The following VSNL1 variants were observed in gnomAD, a reference collection of about 807,000 sequenced individuals.
The protein encoded by VSNL1 is visinin like 1.
VSNL1 carries 6 observed loss-of-function variants against 20.4 expected under a neutral mutation model. That is an observed-to-expected ratio of 0.29 (90% CI 0.16 to 0.58). The LOEUF (loss-of-function observed/expected upper bound fraction) is 0.58, where lower values mean the gene tolerates loss of function less well. Among genes scored for constraint, VSNL1 ranks in the 20% least tolerant of loss-of-function variants. The pLI, the probability that VSNL1 is intolerant of heterozygous loss-of-function variation, is 0.90. For synonymous variants in VSNL1, 93 were observed against 86.4 expected (o/e 1.08, Z -0.42); for missense variants, 100 against 234.5 (o/e 0.43, Z 3.75).
At chr2:17,553,253 C>T (rs1424969811) in intron 1 of VSNL1, among the ~76,000 whole-genome samples, 2 of 152,306 alleles carry the variant, frequency 1.3e-5, no homozygotes, top group African/African-American at 4.8e-5. Context: ...TAGCTAATGT[C>T]TAATGGCTCT....
At chr2:17,579,100 C>T (rs754085764) in intron 1 of VSNL1, among the ~76,000 whole-genome samples, 4 of 152,038 alleles carry the variant, frequency 2.6e-5, no homozygotes, top group Non-Finnish European at 5.9e-5. Context: ...AAGCCCCCTT[C>T]TTTCTTTCTT....
chr2:17,565,856 T>G (rs1457615399), intron 1 of VSNL1, among the ~76,000 whole-genome samples: 1 of 152,244 alleles, frequency 6.6e-6, no homozygotes, highest in Non-Finnish European at 1.5e-5. Context: ...CAGCAGTTCC[T>G]GCATGCTGTT....
intron 1 of VSNL1, among the ~76,000 whole-genome samples, chr2:17,563,246 G>A (rs992546548): frequency 6.6e-6 from 1 of 152,252 alleles, no homozygotes; most frequent in East Asian, 1.9e-4. Flanking sequence ...ACCCAGCAGG[G>A]TTATAAAATT....
At chr2:17,607,258 G>A (rs1239839672) in intron 2 of VSNL1, among the ~76,000 whole-genome samples, 2 of 152,186 alleles carry the variant, frequency 1.3e-5, no homozygotes, top group Admixed American at 6.5e-5. Context: ...ACCTGTCTGG[G>A]TTATAGAGTC....
At chr2:17,632,574 C>T (rs560953187) in intron 2 of VSNL1, among the ~76,000 whole-genome samples, 8 of 152,342 alleles carry the variant, frequency 5.3e-5, no homozygotes, top group East Asian at 3.9e-4. Flanking sequence ...GCTGGGATTA[C>T]AGGCATGAGC....
intron 2 of VSNL1, among the ~76,000 whole-genome samples, chr2:17,632,521 G>A (rs775728045): frequency 6.6e-5 from 10 of 151,874 alleles, no homozygotes; most frequent in Admixed American, 2.0e-4. Context: ...GGCTGGTTTC[G>A]AACTTCTGAC....
Position 17,649,335 on chromosome 2 carries a change from C to A in VSNL1, c.163-75C>A. 6.9e-7 allele frequency: 1 copy of A among 1,446,604 alleles called. No homozygotes were observed. Among genetic ancestry groups the A allele is most frequent in the South Asian group, 1.2e-5 (1 of 85,660 alleles). 89.6% of individuals were successfully genotyped at this position (1,446,604 alleles called of 1,614,324 possible). A position where few individuals can be genotyped will look rare whatever the true frequency, so the allele number is the denominator to read the frequency against. Reference sequence around the variant, plus strand: ...CAACGCCCAGGAGCACCTGTGATGCCGTCATTAGGAACCTACCTCGTCGCC... The same window carrying A: ...CAACGCCCAGGAGCACCTGTGATGCAGTCATTAGGAACCTACCTCGTCGCC... On this transcript the variant is annotated intron_variant, in intron 2 of 3. Transcript: ENST00000295156. This position sits in a 1 kb window ranked among gnomAD's most constrained non-coding sequence, Gnocchi z 6.4.
At chr2:17,541,007 T>G (rs532320527) in intron 1 of VSNL1, 89 bp downstream of exon 1, 1 of 152,092 alleles carries the variant, frequency 6.6e-6, no homozygotes, top group African/African-American at 2.4e-5. Context: ...TCACATACTT[T>G]GCTTTGCATA....
chr2:17,546,065 C>G (rs1205191635), intron 1 of VSNL1: 1 of 151,910 alleles, frequency 6.6e-6, no homozygotes. Context: ...ACAATTAAGA[C>G]TTGGAGTACT....
At chr2:17,582,777 G>A (rs1265134698) in intron 1 of VSNL1, among the ~76,000 whole-genome samples, 1 of 151,868 alleles carries the variant, frequency 6.6e-6, no homozygotes, top group Admixed American at 6.6e-5. Context: ...TGGTGGAAAT[G>A]TCTAGCAGGC....
intron 1 of VSNL1, 25 bp from the exon 2 acceptor site, chr2:17,592,045 A>G: frequency 6.2e-7 from 1 of 1,613,212 alleles, no homozygotes; most frequent in South Asian, 1.1e-5. Context: ...CACAGCGCTA[A>G]TTGAATTAAT....
chr2:17,610,301 C>T (rs1312932393), intron 2 of VSNL1, among the ~76,000 whole-genome samples: 1 of 152,124 alleles, frequency 6.6e-6, no homozygotes, highest in African/African-American at 2.4e-5. Context: ...CTCCTGCCCT[C>T]AAAGAGCTCA....
At chr2:17,541,453 G>C (rs1663283157) in intron 1 of VSNL1, 1 of 152,180 alleles carries the variant, frequency 6.6e-6, no homozygotes, top group African/African-American at 2.4e-5. Flanking sequence ...CGCAAAATGA[G>C]CACATTTCTC....
chr2:17,549,556 A>G (rs1470986829), intron 1 of VSNL1, among the ~76,000 whole-genome samples: 1 of 152,206 alleles, frequency 6.6e-6, no homozygotes, highest in Non-Finnish European at 1.5e-5. Flanking sequence ...TTCATTCTAG[A>G]TCAAGTGCAT....
chr2:17,580,709 A>G (rs1032873416), intron 1 of VSNL1, among the ~76,000 whole-genome samples: 1 of 152,206 alleles, frequency 6.6e-6, no homozygotes, highest in African/African-American at 2.4e-5. Context: ...AGTGTTTCTC[A>G]CTATTAATCT....
intron 1 of VSNL1, among the ~76,000 whole-genome samples, chr2:17,558,868 C>T (rs1663747234): frequency 6.6e-6 from 1 of 152,000 alleles, no homozygotes; most frequent in African/African-American, 2.4e-5. Context: ...CATGGCAGAT[C>T]AGAGTTAAAT....
At chr2:17,573,453 C>CA (rs202125209) in intron 1 of VSNL1, among the ~76,000 whole-genome samples, 6,077 of 118,622 alleles carry the variant, frequency 0.051, 132 homozygotes, top group East Asian at 0.1. Context: ...TTAGTTTTTG[C>CA]AAAAAAAAAA....
chr2:17,560,086 G>A (rs1195986573), intron 1 of VSNL1, among the ~76,000 whole-genome samples: 1 of 151,384 alleles, frequency 6.6e-6, no homozygotes, highest in Admixed American at 6.6e-5. Flanking sequence ...AGCAACCAAG[G>A]TAATATTTAG....
chr2:17,576,796 A>G (rs552761622), intron 1 of VSNL1, among the ~76,000 whole-genome samples: 5 of 152,296 alleles, frequency 3.3e-5, no homozygotes, highest in Non-Finnish European at 7.4e-5. Flanking sequence ...GACCTTAATA[A>G]TCAGGTTAAA....
Sources: gnomAD v4.1 joint callset for allele counts (sites outside exome capture counted in the v4.1 genomes callset) on GRCh38, gnomAD v4.1.1 for gene constraint, Gnocchi (gnomAD v3.1) non-coding constraint, MANE v1.5 for transcripts, NCBI Gene and HGNC (gene_info 2026-07-23, HGNC 2026-07-21) for gene names.